The following ZNF558 variants were observed in gnomAD, a reference collection of about 807,000 sequenced individuals.
The protein encoded by ZNF558 is zinc finger protein 558.
A neutral mutation model predicts 37.6 loss-of-function variants in ZNF558; 23 were observed. The observed-to-expected ratio is 0.61, with a 90% CI of 0.44 to 0.87. The LOEUF is 0.87. ZNF558 is among the 40% of genes least tolerant of loss of function. The pLI is 0.00. For synonymous variants in ZNF558, 189 were observed against 174.4 expected (o/e 1.08, Z -0.66); for missense variants, 429 against 483.7 (o/e 0.89, Z 1.06).
chr19:8,828,835 T>C (rs980854980), intron 2 of ZNF558, among the ~76,000 whole-genome samples: 3 of 152,026 alleles, frequency 2.0e-5, no homozygotes, highest in Non-Finnish European at 2.9e-5. Flanking sequence ...TGGTGGTATG[T>C]GCCTGTAATC....
intron 7 of ZNF558, among the ~76,000 whole-genome samples, chr19:8,813,874 A>G (rs1423110722): frequency 1.3e-5 from 2 of 152,230 alleles, no homozygotes; most frequent in Non-Finnish European, 2.9e-5. Context: ...TAAGGCAGGA[A>G]TTAGAGACTG....
rs1202677101 is a variant in ZNF558 at position 8,807,671 on chromosome 19, T to C, written c.*3610A>G. Reference sequence around the variant, plus strand: ...TTGAGATCTCCGCTCAAATGCTCCTTACCAAGAGGCTTTCTTTTCCTAGTT... The same window carrying C: ...TTGAGATCTCCGCTCAAATGCTCCTCACCAAGAGGCTTTCTTTTCCTAGTT... On this transcript the variant is annotated 3_prime_UTR_variant, in exon 10 of 10. Transcript: ENST00000601372. 1.3e-5 allele frequency: 2 copies of C among 152,198 alleles called. No homozygotes were observed. The highest frequency in any genetic ancestry group is 2.9e-5 in the Non-Finnish European group (2 of 68,046). 9.4% of individuals were successfully genotyped at this position (152,198 alleles called of 1,614,324 possible).
intron 7 of ZNF558, among the ~76,000 whole-genome samples, chr19:8,818,277 C>A (rs2043991678): frequency 6.6e-6 from 1 of 151,966 alleles, no homozygotes; most frequent in Non-Finnish European, 1.5e-5. Flanking sequence ...CATGGTGGAA[C>A]CCTATCTCTA....
At chr19:8,827,032 C>A (rs1256724234) in intron 2 of ZNF558, among the ~76,000 whole-genome samples, 1 of 152,108 alleles carries the variant, frequency 6.6e-6, no homozygotes, top group Non-Finnish European at 1.5e-5. Context: ...CTCACTGGGC[C>A]TCCAAGAAAA....
In ZNF558 at chr19:8,811,475, T is replaced by C; in HGVS notation, c.1015A>G (p.Lys339Glu). 1 of 1,614,158 alleles carries C rather than the reference T, an allele frequency of 6.2e-7. No individual in the cohort carries two copies. Among genetic ancestry groups the C allele is most frequent in the Non-Finnish European group, 8.5e-7 (1 of 1,180,000 alleles). The change falls in exon 10 of 10, where the codon AAG (lysine) becomes GAG (glutamate). Residue 339 changes from lysine to glutamate, a missense_variant. Coordinates refer to ENST00000601372, the MANE Select transcript of ZNF558 (RefSeq NM_144693.3). ...GGTTTCTCTCCGGTATGTATTCTCT[T>C]GTGCACAGTAAGAGAAAAGCTACTG... ...FSSSFSLTVH[K>E]RIHTGEKPYE... is the part of the protein sequence containing the mutation.
chr19:8,827,026 C>T (rs1484274244), intron 2 of ZNF558, among the ~76,000 whole-genome samples: 1 of 152,156 alleles, frequency 6.6e-6, no homozygotes, highest in Admixed American at 6.5e-5. Context: ...AGCCAGCTCA[C>T]TGGGCCTCCA....
In ZNF558 at chr19:8,808,406, C is replaced by CGGA. The variant is rs1444511464; in HGVS notation, c.*2874_*2875insTCC. Reference sequence around the variant, plus strand: ...TATCATCTCCACATAAAAAGGAATACAGAATACCTAATCCTGTATGCATCT... The same window carrying CGGA: ...TATCATCTCCACATAAAAAGGAATACGGAAGAATACCTAATCCTGTATGCATCT... On this transcript the variant is annotated 3_prime_UTR_variant, in exon 10 of 10. Transcript: ENST00000601372. 3.5e-4 allele frequency: 13 copies of CGGA among 37,498 alleles called. No individual in the cohort carries two copies. The highest frequency in any genetic ancestry group is 3.4e-3 in the African/African-American group (12 of 3,552). 2.3% of individuals were successfully genotyped at this position (37,498 alleles called of 1,614,324 possible).
chr19:8,823,438 A>AG (rs2044150553), intron 4 of ZNF558, among the ~76,000 whole-genome samples: 2 of 31,214 alleles, frequency 6.4e-5, no homozygotes, highest in East Asian at 1.1e-3. Context: ...TGCCTCGGTC[A>AG]CCCCCCTCCT....
chr19:8,808,795 T>C lies in ZNF558; in HGVS notation c.*2486A>G, dbSNP rs2043724969. ...TTTTTTAAAAATATTTATTTGTTTATTTTGAGATGGAGTCTCGCTCTGTTG... is the reference window on the plus strand; with the variant it reads ...TTTTTTAAAAATATTTATTTGTTTACTTTGAGATGGAGTCTCGCTCTGTTG... On this transcript the variant is annotated 3_prime_UTR_variant, in exon 10 of 10. Transcript: ENST00000601372. The C allele has an allele frequency of 6.6e-6, 1 of 152,184 alleles. No individual in the cohort carries two copies. Among genetic ancestry groups the C allele is most frequent in the Non-Finnish European group, 1.5e-5 (1 of 68,046 alleles). 9.4% of individuals were successfully genotyped at this position (152,184 alleles called of 1,614,324 possible).
intron 2 of ZNF558, among the ~76,000 whole-genome samples, chr19:8,828,428 G>C (rs906654482): frequency 1.3e-5 from 2 of 152,174 alleles, no homozygotes; most frequent in Non-Finnish European, 2.9e-5. Flanking sequence ...TTCTTGAGGG[G>C]CTTGGAGAAA....
At chr19:8,813,283 A>G (rs1555769114) in intron 7 of ZNF558, 61 bp from the exon 8 acceptor site, 1 of 1,296,230 alleles carries the variant, frequency 7.7e-7, no homozygotes, top group African/African-American at 1.5e-5. Context: ...CAAGTCCATG[A>G]AAGAAAGCCA....
In ZNF558 at chr19:8,808,831, G is replaced by C. The variant is rs542659763; in HGVS notation, c.*2450C>G. 1.3e-5 allele frequency: 2 copies of C among 152,192 alleles called. No individual in the cohort carries two copies. The highest frequency in any genetic ancestry group is 1.9e-4 in the East Asian group (1 of 5,182). 9.4% of individuals were successfully genotyped at this position (152,192 alleles called of 1,614,324 possible). On this transcript the variant is annotated 3_prime_UTR_variant, in exon 10 of 10. Coordinates refer to ENST00000601372, the MANE Select transcript of ZNF558 (RefSeq NM_144693.3). ...AGTCTCGCTCTGTTGCCAGGCTGGA[G>C]TGCACTGGCGCCATCTTGGCTCACT...
At chr19:8,817,427 C>T (rs1041529633) in intron 7 of ZNF558, among the ~76,000 whole-genome samples, 1 of 152,034 alleles carries the variant, frequency 6.6e-6, no homozygotes, top group African/African-American at 2.4e-5. Context: ...AAATACACTG[C>T]TATGTTAGCC....
chr19:8,822,506 C>T lies in ZNF558; in HGVS notation c.31+123G>A, dbSNP rs2044119240. 1.4e-6 allele frequency: 2 copies of T among 1,412,338 alleles called. No homozygotes were observed. The highest frequency in any genetic ancestry group is 2.0e-6 in the Non-Finnish European group (2 of 1,012,974). The allele number at this position is 1,412,338 out of a possible 1,614,324, so 87.5% of individuals were successfully genotyped here. A position where few individuals can be genotyped will look rare whatever the true frequency, so the allele number is the denominator to read the frequency against. On this transcript the variant is annotated intron_variant, in intron 5 of 9. Coordinates refer to ENST00000601372, the MANE Select transcript of ZNF558 (RefSeq NM_144693.3). This position sits in a 1 kb window ranked among gnomAD's most constrained non-coding sequence, Gnocchi z 4.4. ...AGCTGCCCGATCAGACACGGAGGACCTCTGGGCCCCTGGGGCTCCACTCCT... is the reference window on the plus strand; with the variant it reads ...AGCTGCCCGATCAGACACGGAGGACTTCTGGGCCCCTGGGGCTCCACTCCT...
rs537624739 is a variant in ZNF558, at chr19:8,822,427, C to T, written c.31+202G>A. On this transcript the variant is annotated intron_variant, in intron 5 of 9. Coordinates refer to ENST00000601372, the MANE Select transcript of ZNF558 (RefSeq NM_144693.3). The surrounding 1 kb of genome is among the most constrained non-coding windows in gnomAD (Gnocchi z 4.4). ...GAGAATTCAAAAGCTCCAGCACATT[C>T]ACCACACAGGTGACATCCACAGACA... 2.6e-4 allele frequency among the ~76,000 whole-genome samples: 40 copies of T among 152,338 alleles called. No individual in the cohort carries two copies. Among genetic ancestry groups the T allele is most frequent in the Admixed American group, 7.8e-4 (12 of 15,302 alleles).
At chr19:8,823,039 C>T (rs574230497) in intron 4 of ZNF558, 26 of 259,524 alleles carry the variant, frequency 1.0e-4, no homozygotes, top group African/African-American at 5.0e-4. Context: ...CCCTCCTTCC[C>T]CGGGGACTCC....
intron 7 of ZNF558, among the ~76,000 whole-genome samples, chr19:8,818,063 T>C (rs945394006): frequency 6.6e-6 from 1 of 152,160 alleles, no homozygotes; most frequent in East Asian, 1.9e-4. Context: ...TTCTCCAGGA[T>C]AGATTATATG....
At position 8,808,437 on chromosome 19, in the gene ZNF558, CATA is replaced by C. The variant is rs782034061; in HGVS notation, c.*2841_*2843del. ...ACCTAATCCTGTATGCATCTAGTTACATAATGTCAAAATATATAAAAATGACAA... is the reference window on the plus strand; with the variant it reads ...ACCTAATCCTGTATGCATCTAGTTACATGTCAAAATATATAAAAATGACAA... On this transcript the variant is annotated 3_prime_UTR_variant, in exon 10 of 10. Coordinates refer to ENST00000601372, the MANE Select transcript of ZNF558 (RefSeq NM_144693.3). 3.9e-5 allele frequency: 6 copies of C among 152,004 alleles called. No homozygotes were observed. The highest frequency in any genetic ancestry group is 8.8e-5 in the Non-Finnish European group (6 of 68,022). 9.4% of individuals were successfully genotyped at this position (152,004 alleles called of 1,614,324 possible).
chr19:8,809,917 T>A lies in ZNF558; in HGVS notation c.*1364A>T, dbSNP rs2043743252. The A allele has an allele frequency of 6.6e-6, 1 of 152,192 alleles. No individual in the cohort carries two copies. The highest frequency in any genetic ancestry group is 6.5e-5 in the Admixed American group (1 of 15,272). The allele number at this position is 152,192 out of a possible 1,614,324, so 9.4% of individuals were successfully genotyped here. On this transcript the variant is annotated 3_prime_UTR_variant, in exon 10 of 10. Coordinates refer to ENST00000601372, the MANE Select transcript of ZNF558 (RefSeq NM_144693.3). ...TCAGTGAAGAGTTCAGGCTGAGGCATCCTAACACTGATTACATTCCTAGGG... is the reference window on the plus strand; with the variant it reads ...TCAGTGAAGAGTTCAGGCTGAGGCAACCTAACACTGATTACATTCCTAGGG...
Sources: allele counts gnomAD v4.1 joint callset (sites outside exome capture counted in the v4.1 genomes callset), GRCh38; gene constraint gnomAD v4.1.1; non-coding constraint Gnocchi (gnomAD v3.1); transcripts MANE v1.5; gene names NCBI Gene and HGNC (gene_info 2026-07-23, HGNC 2026-07-21).